The following SPATA31H1 variants were observed in gnomAD, a reference collection of about 807,000 sequenced individuals.
The protein encoded by SPATA31H1 is SPATA31 subfamily H member 1.
At chr2:27,543,623 A>C in the SPATA31H1 span, among the ~76,000 whole-genome samples, 1 of 151,444 alleles carries the variant, frequency 6.6e-6, no homozygotes, top group East Asian at 1.9e-4. Context: ...CAGTTTCTGC[A>C]GTTTATCCAG....
the SPATA31H1 span, among the ~76,000 whole-genome samples, chr2:27,543,629 T>C: frequency 1.3e-5 from 2 of 152,006 alleles, no homozygotes; most frequent in South Asian, 4.1e-4. Flanking sequence ...CTGCAGTTTA[T>C]CCAGAGTAGA....
chr2:27,564,673 T>C, the SPATA31H1 span, among the ~76,000 whole-genome samples: 86,209 of 151,648 alleles, frequency 0.57, 25,302 homozygotes, highest in East Asian at 0.84. Flanking sequence ...AAGAATTAGT[T>C]GGGCATGGTG....
the SPATA31H1 span, chr2:27,569,736 T>C: frequency 5.0e-6 from 2 of 398,724 alleles, no homozygotes; most frequent in East Asian, 3.6e-5. Flanking sequence ...AAGTATGCCA[T>C]TGGAGGATTT....
the SPATA31H1 span, among the ~76,000 whole-genome samples, chr2:27,552,103 C>T: frequency 1.3e-3 from 203 of 152,084 alleles, 2 homozygotes; most frequent in African/African-American, 3.3e-3. Flanking sequence ...TGTGAGCCAC[C>T]GTGCCCAGCC....
At chr2:27,567,804 A>G in the SPATA31H1 span, 6 of 398,952 alleles carry the variant, frequency 1.5e-5, no homozygotes, top group Non-Finnish European at 2.7e-5. Flanking sequence ...GTTGACCCCA[A>G]GGCTATCATA....
chr2:27,543,827 G>T, the SPATA31H1 span, among the ~76,000 whole-genome samples: 1 of 151,926 alleles, frequency 6.6e-6, no homozygotes, highest in Non-Finnish European at 1.5e-5. Context: ...CTCCTACCCA[G>T]TGCACCTGCA....
the SPATA31H1 span, chr2:27,575,264 C>A: frequency 2.5e-6 from 1 of 398,494 alleles, no homozygotes; most frequent in Non-Finnish European, 4.4e-6. This position sits in a 1 kb window ranked among gnomAD's most constrained non-coding sequence, Gnocchi z 4.1. Context: ...CTTCTGAGTT[C>A]AATGCTGAAA....
the SPATA31H1 span, among the ~76,000 whole-genome samples, chr2:27,558,930 A>G: frequency 0.019 from 379 of 19,958 alleles, no homozygotes; most frequent in East Asian, 0.068. Context: ...AGGGGGAGGG[A>G]GAGGGAGAGG....
At chr2:27,578,359 C>T in the SPATA31H1 span, 3 of 1,614,116 alleles carry the variant, frequency 1.9e-6, no homozygotes, top group Admixed American at 1.7e-5. Context: ...ATCCCAGGGC[C>T]ATCCCTTCAA....
the SPATA31H1 span, among the ~76,000 whole-genome samples, chr2:27,540,275 C>T: frequency 1.5e-5 from 2 of 132,764 alleles, no homozygotes; most frequent in Admixed American, 7.1e-5. Flanking sequence ...GGGGCTGACC[C>T]CCACCACCTC....
At chr2:27,576,972 G>C in the SPATA31H1 span, 1 of 1,614,066 alleles carries the variant, frequency 6.2e-7, no homozygotes, top group African/African-American at 1.3e-5. Flanking sequence ...AAAATATGCA[G>C]AGATGATCCC....
At chr2:27,537,482 T>A in the SPATA31H1 span, 6 of 717,300 alleles carry the variant, frequency 8.4e-6, no homozygotes, top group Non-Finnish European at 1.6e-5. Context: ...AGCCTTCTAT[T>A]ATTGTTTGTT....
the SPATA31H1 span, chr2:27,569,032 C>A: frequency 4.5e-5 from 18 of 398,840 alleles, no homozygotes; most frequent in Middle Eastern, 6.2e-4. Flanking sequence ...ATTGGGTTGA[C>A]ACAACCATCT....
At chr2:27,561,023 T>C in the SPATA31H1 span, among the ~76,000 whole-genome samples, 2 of 152,294 alleles carry the variant, frequency 1.3e-5, no homozygotes, top group East Asian at 3.9e-4. Flanking sequence ...TCCATTTGCA[T>C]GTGGGAAGGT....
the SPATA31H1 span, among the ~76,000 whole-genome samples, chr2:27,545,698 C>A: frequency 6.6e-6 from 1 of 151,714 alleles, no homozygotes; most frequent in East Asian, 1.9e-4. Flanking sequence ...CCTCAGCCTC[C>A]TAAGTAGCTG....
At chr2:27,567,215 C>T in the SPATA31H1 span, 6 of 626,420 alleles carry the variant, frequency 9.6e-6, no homozygotes, top group African/African-American at 5.5e-5. Context: ...ATTCTGTTTC[C>T]AAGGAGAGAC....
At chr2:27,568,624 A>G in the SPATA31H1 span, 1 of 399,006 alleles carries the variant, frequency 2.5e-6, no homozygotes, top group Non-Finnish European at 4.4e-6. Flanking sequence ...GAGTTTCAAG[A>G]TATAAACACT....
chr2:27,577,152 G>A, the SPATA31H1 span: 2 of 1,614,062 alleles, frequency 1.2e-6, no homozygotes, highest in African/African-American at 1.3e-5. This position sits in a 1 kb window ranked among gnomAD's most constrained non-coding sequence, Gnocchi z 4.5. Context: ...GGAATCCTTA[G>A]GGATGCTGCT....
the SPATA31H1 span, chr2:27,577,453 C>T: frequency 2.5e-6 from 4 of 1,614,044 alleles, no homozygotes; most frequent in Non-Finnish European, 8.5e-7. This position sits in a 1 kb window ranked among gnomAD's most constrained non-coding sequence, Gnocchi z 4.5. Context: ...TTTGGAATGA[C>T]CCCAAAGCCA....
Sources: allele counts gnomAD v4.1 joint callset (sites outside exome capture counted in the v4.1 genomes callset), GRCh38; gene constraint gnomAD v4.1.1; non-coding constraint Gnocchi (gnomAD v3.1); transcripts MANE v1.5; gene names NCBI Gene and HGNC (gene_info 2026-07-23, HGNC 2026-07-21).